The following LIPT2 variants were observed in gnomAD, a reference collection of about 807,000 sequenced individuals.
The protein encoded by LIPT2 is lipoyl(octanoyl) transferase 2.
Under a neutral mutation model 16.2 loss-of-function variants are expected in LIPT2, and 16 were observed. That is an observed-to-expected ratio of 0.99 (90% CI 0.67 to 1.50). The LOEUF (loss-of-function observed/expected upper bound fraction) is 1.50. Among genes scored for constraint, LIPT2 ranks in the 40% most tolerant of loss-of-function variants. LIPT2 has a pLI of 0.00. For missense variants in LIPT2, 424 were observed against 347.7 expected, an observed-to-expected ratio of 1.22 and a Z score of -1.75; for synonymous variants, 199 against 169.3, an observed-to-expected ratio of 1.18 and a Z score of -1.36.
chr11:74,492,624 G>C (rs930777382), intron 1 of LIPT2, among the ~76,000 whole-genome samples: 2 of 152,046 alleles, frequency 1.3e-5, no homozygotes, highest in Non-Finnish European at 2.9e-5. Context: ...AAAAGCTTGG[G>C]GACAGGCGCA....
In LIPT2 at chr11:74,492,126, G is replaced by A. The variant is rs1215084228; in HGVS notation, c.*9C>T. 2 of 1,546,098 alleles carry A rather than the reference G, an allele frequency of 1.3e-6. No individual in the cohort carries two copies. Among genetic ancestry groups the A allele is most frequent in the Admixed American group, 2.0e-5 (1 of 50,988 alleles). ...AAGGCAGGAGCATCCTGGCTGTTAT[G>A]AGTACTCTTCAGTTGGGGCTGTCCT... On this transcript the variant is annotated 3_prime_UTR_variant, in exon 2 of 2. Coordinates refer to ENST00000310109, the MANE Select transcript of LIPT2 (RefSeq NM_001144869.3).
chr11:74,492,318 G>C lies in LIPT2; in HGVS notation c.513C>G (p.Asn171Lys). The change falls in exon 2 of 2, where the codon AAC becomes AAG. Residue 171 changes from asparagine to lysine, a missense_variant. By Grantham distance (94) the Asn-to-Lys change is moderately conservative. Transcript: ENST00000310109. ...CAAACCACGTGAGGTCGGTAGAGCA[G>C]TTGAGAGCCAGGCCGTGGGATGTGA... ...RHITSHGLALNCSTDLTWFEH... is the reference protein window; with the variant it reads ...RHITSHGLALKCSTDLTWFEH... 1 of 1,551,818 alleles carries C rather than the reference G, an allele frequency of 6.4e-7. No individual in the cohort carries two copies. Among genetic ancestry groups the C allele is most frequent in the Non-Finnish European group, 8.7e-7 (1 of 1,146,986 alleles).
Position 74,493,414 on chromosome 11 carries a change from A to C in LIPT2, c.290T>G (p.Leu97Arg). The C allele has an allele frequency of 6.6e-7, 1 of 1,515,528 alleles. No homozygotes were observed. Among genetic ancestry groups the C allele is most frequent in the South Asian group, 1.2e-5 (1 of 81,528 alleles). 93.9% of individuals were successfully genotyped at this position (1,515,528 alleles called of 1,614,324 possible). ...GLATFHGPGQ[L>R]LCHPVLDLRR... is the part of the protein sequence containing the mutation. ...CAGGTCGAGTACCGGGTGGCAAAGC[A>C]GCTGGCCCGGGCCGTGGAAGGTGGC... The change falls in exon 1 of 2, where the codon CTG becomes CGG. Residue 97 changes from leucine to arginine, a missense_variant. Transcript: ENST00000310109.
chr11:74,491,144 C>T lies in LIPT2; in HGVS notation c.*991G>A, dbSNP rs575387405. The stretch of plus-strand genomic sequence containing the variant: ...GAAGCCAGTTGCCCTGTCATGAGAA[C>T]AATTAAGCAACCCTATAGGGAGGTC... On this transcript the variant is annotated 3_prime_UTR_variant, in exon 2 of 2. Transcript: ENST00000310109. 2.0e-5 allele frequency among the ~76,000 whole-genome samples: 3 copies of T among 152,340 alleles called. No homozygotes were observed. Among genetic ancestry groups the T allele is most frequent in the Non-Finnish European group, 4.4e-5 (3 of 68,032 alleles).
At position 74,493,553 on chromosome 11, in the gene LIPT2, C is replaced by T. The variant is rs1864404744; in HGVS notation, c.151G>A (p.Glu51Lys). Reference protein sequence around the residue: ...GTEAGALLLCEPAGPVYTAGL... With the variant: ...GTEAGALLLCKPAGPVYTAGL... ...GCCGTATACACGGGCCCCGCGGGCT[C>T]GCAGAGCAGGAGCGCGCCCGCCTCA... Residue 51 changes from glutamate to lysine, a missense_variant, in exon 1 of 2, where the codon GAG becomes AAG. Transcript: ENST00000310109. The T allele has an allele frequency of 7.0e-7, 1 of 1,423,174 alleles. No individual in the cohort carries two copies. The highest frequency in any genetic ancestry group is 9.1e-7 in the Non-Finnish European group (1 of 1,093,458). 88.2% of individuals were successfully genotyped at this position (1,423,174 alleles called of 1,614,324 possible). A position where few individuals can be genotyped will look rare whatever the true frequency, so the allele number is the denominator to read the frequency against.
Position 74,492,889 on chromosome 11 carries a change from G to C in LIPT2, c.466+349C>G, listed in dbSNP as rs191647875. ...ACTGCACTCCAGCCTGGGTGACAAAGCGAGACTCTGTCTCAAAAAAAAAAA... is the reference window on the plus strand; with the variant it reads ...ACTGCACTCCAGCCTGGGTGACAAACCGAGACTCTGTCTCAAAAAAAAAAA... On this transcript the variant is annotated intron_variant, in intron 1 of 1. Transcript: ENST00000310109. 3.5e-3 allele frequency among the ~76,000 whole-genome samples: 457 copies of C among 130,372 alleles called. 2 individuals carry two copies. Among genetic ancestry groups the C allele is most frequent in the Middle Eastern group, 0.031 (7 of 224 alleles). The allele number at this position is 130,372 out of a possible 152,430, so 85.5% of individuals were successfully genotyped here.
chr11:74,493,601 C>G lies in LIPT2; in HGVS notation c.103G>C (p.Gly35Arg). 1 of 1,455,652 alleles carries G rather than the reference C, an allele frequency of 6.9e-7. No homozygotes were observed. The highest frequency in any genetic ancestry group is 9.0e-7 in the Non-Finnish European group (1 of 1,109,242). 90.2% of individuals were successfully genotyped at this position (1,455,652 alleles called of 1,614,324 possible). A position where few individuals can be genotyped will look rare whatever the true frequency, so the allele number is the denominator to read the frequency against. Residue 35 changes from glycine to arginine, a missense_variant, in exon 1 of 2, where the codon GGC (glycine) becomes CGC (arginine). Gly to Arg is a moderately radical substitution (Grantham distance 125). Transcript: ENST00000310109. ...TCAGTCCCCGACGGGGCCTCAATGC[C>G]TGGCTCGGCCTGCAGCCGCCGCAGC... is the stretch of plus-strand genomic sequence containing the variant. ...RWLRRLQAEP[G>R]IEAPSGTEAG...
Position 74,493,286 on chromosome 11 carries a change from G to T in LIPT2, c.418C>A (p.Pro140Thr). ...QGLQDARARP[P>T]PYTGVWLDDR... is the part of the protein sequence containing the mutation. The stretch of plus-strand genomic sequence containing the variant: ...TCTAGCCAGACGCCAGTGTAGGGCG[G>T]GGGCCGCGCGCGGGCGTCCTGCAGG... Residue 140 changes from proline to threonine, a missense_variant, in exon 1 of 2, where the codon CCG (proline) becomes ACG (threonine). Physicochemically the swap from Pro to Thr is conservative, Grantham distance 38. Transcript: ENST00000310109. 7.1e-7 allele frequency: 1 copy of T among 1,417,390 alleles called. No individual in the cohort carries two copies. The highest frequency in any genetic ancestry group is 9.2e-7 in the Non-Finnish European group (1 of 1,087,826). The allele number at this position is 1,417,390 out of a possible 1,614,324, so 87.8% of individuals were successfully genotyped here. A position where few individuals can be genotyped will look rare whatever the true frequency, so the allele number is the denominator to read the frequency against.
Position 74,493,424 on chromosome 11 carries a change from G to C in LIPT2, c.280C>G (p.Pro94Ala), listed in dbSNP as rs548483364. 6.6e-6 allele frequency: 10 copies of C among 1,507,926 alleles called. No individual in the cohort carries two copies. Among genetic ancestry groups the C allele is most frequent in the South Asian group, 1.2e-5 (1 of 80,928 alleles). The allele number at this position is 1,507,926 out of a possible 1,614,324, so 93.4% of individuals were successfully genotyped here. A position where few individuals can be genotyped will look rare whatever the true frequency, so the allele number is the denominator to read the frequency against. The change falls in exon 1 of 2, where the codon CCG becomes GCG. Residue 94 changes from proline to alanine, a missense_variant. Pro to Ala is a conservative substitution (Grantham distance 27). Coordinates refer to ENST00000310109, the MANE Select transcript of LIPT2 (RefSeq NM_001144869.3). Reference sequence around the variant, plus strand: ...ACCGGGTGGCAAAGCAGCTGGCCCGGGCCGTGGAAGGTGGCCAGGCCACCG... The same window carrying C: ...ACCGGGTGGCAAAGCAGCTGGCCCGCGCCGTGGAAGGTGGCCAGGCCACCG... ...GRGGLATFHGPGQLLCHPVLD... is the reference protein window; with the variant it reads ...GRGGLATFHGAGQLLCHPVLD...
Position 74,491,312 on chromosome 11 carries a change from G to A in LIPT2, c.*823C>T, listed in dbSNP as rs1229413767. 6.6e-6 allele frequency among the ~76,000 whole-genome samples: 1 copy of A among 152,174 alleles called. No individual in the cohort carries two copies. The highest frequency in any genetic ancestry group is 1.5e-5 in the Non-Finnish European group (1 of 68,032). ...GCTGACATCTTAACTGCAAGTTCGT[G>A]TGAGACCCTAACCTAGAAACACCCA... On this transcript the variant is annotated 3_prime_UTR_variant, in exon 2 of 2. Transcript: ENST00000310109.
Position 74,493,488 on chromosome 11 carries a change from C to T in LIPT2, c.216G>A (p.Arg72=). Residue 72 remains arginine, a synonymous_variant, in exon 1 of 2, where the codon CGG becomes CGA. Coordinates refer to ENST00000310109, the MANE Select transcript of LIPT2 (RefSeq NM_001144869.3). ...GCACCTCGGCGCCCAAGGCCCGTAG[C>T]CGCGCAGTTTCCTCGGGCGTCAGGC... ...RGGLTPEETA[R]LRALGAEVRV... is the part of the protein sequence containing the mutation. The T allele has an allele frequency of 1.4e-6, 2 of 1,453,548 alleles. No individual in the cohort carries two copies. Among genetic ancestry groups the T allele is most frequent in the Non-Finnish European group, 1.8e-6 (2 of 1,109,060 alleles). The allele number at this position is 1,453,548 out of a possible 1,614,324, so 90.0% of individuals were successfully genotyped here.
chr11:74,493,530 C>A lies in LIPT2; in HGVS notation c.174G>T (p.Thr58=). The change falls in exon 1 of 2, where the codon ACG becomes ACT. Residue 58 remains threonine (T), a synonymous_variant. Transcript: ENST00000310109. Reference sequence around the variant, plus strand: ...GCGTCAGGCCGCCGCGCAGCCCGGCCGTATACACGGGCCCCGCGGGCTCGC... The same window carrying A: ...GCGTCAGGCCGCCGCGCAGCCCGGCAGTATACACGGGCCCCGCGGGCTCGC... ...LLCEPAGPVY[T]AGLRGGLTPE... 7.0e-7 allele frequency: 1 copy of A among 1,420,708 alleles called. No homozygotes were observed. The highest frequency in any genetic ancestry group is 9.1e-7 in the Non-Finnish European group (1 of 1,092,970). 88.0% of individuals were successfully genotyped at this position (1,420,708 alleles called of 1,614,324 possible).
chr11:74,493,555 C>T lies in LIPT2; in HGVS notation c.149G>A (p.Cys50Tyr). Residue 50 changes from cysteine to tyrosine, a missense_variant, in exon 1 of 2, where the codon TGC becomes TAC. Cys to Tyr is a radical substitution (Grantham distance 194). Transcript: ENST00000310109. Reference protein sequence around the residue: ...SGTEAGALLLCEPAGPVYTAG... With the variant: ...SGTEAGALLLYEPAGPVYTAG... ...CGTATACACGGGCCCCGCGGGCTCGCAGAGCAGGAGCGCGCCCGCCTCAGT... is the reference window on the plus strand; with the variant it reads ...CGTATACACGGGCCCCGCGGGCTCGTAGAGCAGGAGCGCGCCCGCCTCAGT... The T allele has an allele frequency of 7.0e-7, 1 of 1,423,876 alleles. No homozygotes were observed. The highest frequency in any genetic ancestry group is 3.0e-5 in the East Asian group (1 of 33,254). 88.2% of individuals were successfully genotyped at this position (1,423,876 alleles called of 1,614,324 possible). A position where few individuals can be genotyped will look rare whatever the true frequency, so the allele number is the denominator to read the frequency against.
In LIPT2 at chr11:74,491,374, ATAAT is replaced by A. The variant is rs1355606347; in HGVS notation, c.*757_*760del. Among the ~76,000 whole-genome samples, 5 of 152,236 alleles carry A rather than the reference ATAAT, an allele frequency of 3.3e-5. No homozygotes were observed. The highest frequency in any genetic ancestry group is 4.8e-5 in the African/African-American group (2 of 41,456). On this transcript the variant is annotated 3_prime_UTR_variant, in exon 2 of 2. Coordinates refer to ENST00000310109, the MANE Select transcript of LIPT2 (RefSeq NM_001144869.3). ...CCCAAATTCCTGACCCACAAACGAG[ATAAT>A]TAATGTTTACTGTTAAGTCACTAAG...
intron 1 of LIPT2, among the ~76,000 whole-genome samples, chr11:74,492,688 G>A (rs1469638374): frequency 2.0e-5 from 3 of 151,688 alleles, no homozygotes; most frequent in Non-Finnish European, 4.4e-5. Context: ...GGCGGATCAC[G>A]AGGTCAGGAG....
chr11:74,493,293 C>A lies in LIPT2; in HGVS notation c.411G>T (p.Ala137=). 2 of 1,419,786 alleles carry A rather than the reference C, an allele frequency of 1.4e-6. No homozygotes were observed. The highest frequency in any genetic ancestry group is 2.0e-4 in the Middle Eastern group (1 of 5,056). The allele number at this position is 1,419,786 out of a possible 1,614,324, so 87.9% of individuals were successfully genotyped here. Residue 137 remains alanine, a synonymous_variant, in exon 1 of 2, where the codon GCG becomes GCT. Transcript: ENST00000310109. ...AGACGCCAGTGTAGGGCGGGGGCCG[C>A]GCGCGGGCGTCCTGCAGGCCCTGGA... ...CELQGLQDAR[A]RPPPYTGVWL...
intron 1 of LIPT2, 150 bp downstream of exon 1, chr11:74,493,088 A>G (rs985563788): frequency 2.1e-6 from 1 of 477,192 alleles, no homozygotes; most frequent in African/African-American, 2.0e-5. Context: ...TTAAAAACTC[A>G]AACGCAGCGG....
chr11:74,490,706 A>T lies in LIPT2; in HGVS notation c.*1429T>A, dbSNP rs990604058. On this transcript the variant is annotated 3_prime_UTR_variant, in exon 2 of 2. Coordinates refer to ENST00000310109, the MANE Select transcript of LIPT2 (RefSeq NM_001144869.3). ...CAAAGCCTCATTTCTTAAAAAAAAT[A>T]AAAATAAAATAAAATAAAAATAACA... Among the ~76,000 whole-genome samples, 1 of 152,172 alleles carries T rather than the reference A, an allele frequency of 6.6e-6. No homozygotes were observed. Among genetic ancestry groups the T allele is most frequent in the Non-Finnish European group, 1.5e-5 (1 of 68,040 alleles).
rs1864331699 is a variant in LIPT2, at chr11:74,491,363, C to G, written c.*772G>C. Among the ~76,000 whole-genome samples the G allele has an allele frequency of 1.3e-5, 2 of 152,170 alleles. No individual in the cohort carries two copies. The highest frequency in any genetic ancestry group is 6.5e-5 in the Admixed American group (1 of 15,272). On this transcript the variant is annotated 3_prime_UTR_variant, in exon 2 of 2. Coordinates refer to ENST00000310109, the MANE Select transcript of LIPT2 (RefSeq NM_001144869.3). ...GCTAAGCTTCCCCCAAATTCCTGAC[C>G]CACAAACGAGATAATTAATGTTTAC...
Sources: allele counts gnomAD v4.1 joint callset (sites outside exome capture counted in the v4.1 genomes callset), GRCh38; gene constraint gnomAD v4.1.1; transcripts MANE v1.5; gene names NCBI Gene and HGNC (gene_info 2026-07-23, HGNC 2026-07-21).